The following MSN variants were observed in gnomAD, a reference collection of about 807,000 sequenced individuals.
MSN encodes epididymis luminal protein 70.
In MSN, 2 loss-of-function variants were observed where a neutral mutation model predicts 48.0. The ratio of observed to expected loss-of-function variants is 0.04; its 90% CI spans 0.02 to 0.13. The LOEUF is 0.13. MSN is among the 10% of genes least tolerant of loss of function. The pLI is 1.00. For missense variants in MSN, 267 were observed against 470.1 expected (o/e 0.57, Z 3.99); for synonymous variants, 146 against 166.9 (o/e 0.87, Z 0.97).
At chrX:65,659,254 A>G (rs1372518834) in intron 1 of MSN, among the ~76,000 whole-genome samples, 1 of 110,426 alleles carries the variant, frequency 9.1e-6, no homozygotes, top group African/African-American at 3.3e-5. Flanking sequence ...CCCAGGTTCA[A>G]GCAATCCTCC....
At chrX:65,733,405 C>T (rs940879453) in intron 7 of MSN, 125 bp downstream of exon 7, 2 of 520,608 alleles carry the variant, frequency 3.8e-6, no homozygotes, top group Non-Finnish European at 3.2e-6. Flanking sequence ...CGCGCATGTG[C>T]ACGAACAGGA....
intron 1 of MSN, among the ~76,000 whole-genome samples, chrX:65,669,878 C>T (rs1368086517): frequency 9.0e-6 from 1 of 110,763 alleles, no homozygotes; most frequent in Non-Finnish European, 1.9e-5. Flanking sequence ...TTGAGACCTA[C>T]AGGGAAAGAC....
chrX:65,677,611 A>T (rs1361474706), intron 1 of MSN, among the ~76,000 whole-genome samples: 1 of 110,295 alleles, frequency 9.1e-6, no homozygotes, highest in Non-Finnish European at 1.9e-5. Flanking sequence ...TAGAAAAAAT[A>T]GCCGGGCGTG....
At chrX:65,589,451 C>A (rs1343489806) in intron 1 of MSN, among the ~76,000 whole-genome samples, 1 of 112,017 alleles carries the variant, frequency 8.9e-6, no homozygotes, top group African/African-American at 3.3e-5. Flanking sequence ...TCACCGTGAC[C>A]ACACTTGAGA....
At chrX:65,674,949 AAAT>A (rs929991126) in intron 1 of MSN, among the ~76,000 whole-genome samples, 3 of 112,200 alleles carry the variant, frequency 2.7e-5, no homozygotes, top group Non-Finnish European at 5.6e-5. Flanking sequence ...CCTTAACCAT[AAAT>A]AATAATAGTA....
chrX:65,678,739 T>C (rs1296143061), intron 1 of MSN, among the ~76,000 whole-genome samples: 1 of 111,695 alleles, frequency 9.0e-6, no homozygotes, highest in African/African-American at 3.3e-5. Context: ...AAATACCTTT[T>C]AGTAAAAAAT....
chrX:65,610,394 T>C (rs190907501), intron 1 of MSN, among the ~76,000 whole-genome samples: 66 of 112,800 alleles, frequency 5.9e-4, no homozygotes, highest in Non-Finnish European at 1.2e-3. Context: ...TCATTAACAA[T>C]GTTTTCAAGG....
At chrX:65,732,812 T>C (rs2071635603) in intron 6 of MSN, among the ~76,000 whole-genome samples, 1 of 112,248 alleles carries the variant, frequency 8.9e-6, no homozygotes, top group South Asian at 3.7e-4. Flanking sequence ...AGGAATCATA[T>C]GTTAGTTGTA....
intron 8 of MSN, among the ~76,000 whole-genome samples, chrX:65,736,282 T>C (rs962004783): frequency 2.7e-5 from 3 of 110,611 alleles, no homozygotes; most frequent in African/African-American, 9.9e-5. Context: ...CAGGGGTACA[T>C]TGACAGGGCC....
At chrX:65,716,101 G>T (rs1175988749) in intron 1 of MSN, among the ~76,000 whole-genome samples, 1 of 111,548 alleles carries the variant, frequency 9.0e-6, no homozygotes. Flanking sequence ...AGTGCTCTTT[G>T]TCCTGATATT....
At chrX:65,730,282 G>A (rs2071610213) in intron 4 of MSN, among the ~76,000 whole-genome samples, 1 of 112,053 alleles carries the variant, frequency 8.9e-6, no homozygotes, top group Non-Finnish European at 1.9e-5. Flanking sequence ...GAGGTGCAGA[G>A]GTACTCACAC....
chrX:65,636,747 C>CAA (rs1219240320), intron 1 of MSN, among the ~76,000 whole-genome samples: 163 of 6,317 alleles, frequency 0.026, 34 homozygotes, highest in African/African-American at 0.057. Flanking sequence ...AACTCCATCT[C>CAA]AAAAAAAAAA....
chrX:65,685,732 T>C (rs1392964987), intron 1 of MSN, among the ~76,000 whole-genome samples: 1 of 111,839 alleles, frequency 8.9e-6, no homozygotes, highest in Non-Finnish European at 1.9e-5. Flanking sequence ...AGTATAGGCG[T>C]GCACCACTGT....
chrX:65,710,999 C>G (rs867742202), intron 1 of MSN, among the ~76,000 whole-genome samples: 54 of 105,422 alleles, frequency 5.1e-4, no homozygotes, highest in African/African-American at 1.8e-3. Flanking sequence ...ATTCTCCTGC[C>G]TCAGCCTCCA....
At chrX:65,704,340 G>A (rs1451137789) in intron 1 of MSN, among the ~76,000 whole-genome samples, 16 of 111,974 alleles carry the variant, frequency 1.4e-4, no homozygotes, top group Non-Finnish European at 3.8e-5. Context: ...TTGGCTGCCT[G>A]GATATGAACC....
At position 65,729,650 on chromosome X, in the gene MSN, C is replaced by A; in HGVS notation, c.405C>A (p.Gly135=). ...LASYAVQSKY[G]DFNKEVHKSG... ...CGTATGCTGTCCAGTCTAAGTATGGCGACTTCAATAAGGAAGTGCATAAGT... is the reference window on the plus strand; with the variant it reads ...CGTATGCTGTCCAGTCTAAGTATGGAGACTTCAATAAGGAAGTGCATAAGT... Residue 135 remains glycine (G), a synonymous_variant, in exon 4 of 13, where the codon GGC becomes GGA. Transcript: ENST00000360270. 8.3e-7 allele frequency: 1 copy of A among 1,211,346 alleles called. No individual in the cohort carries two copies. Among genetic ancestry groups the A allele is most frequent in the Non-Finnish European group, 1.1e-6 (1 of 895,382 alleles).
chrX:65,621,002 G>A lies in MSN; in HGVS notation c.-22+32390G>A, dbSNP rs1032121695. Among the ~76,000 whole-genome samples, 20 of 107,314 alleles carry A rather than the reference G, an allele frequency of 1.9e-4. No individual in the cohort carries two copies. In the East Asian group the frequency reaches 2.6e-3, roughly 14 times the overall value. The allele number at this position is 107,314 out of a possible 115,157, so 93.2% of individuals were successfully genotyped here. A position where few individuals can be genotyped will look rare whatever the true frequency, so the allele number is the denominator to read the frequency against. The stretch of plus-strand genomic sequence containing the variant: ...GTGTAGTGGTGTGATCTCGGCTCAC[G>A]GCAACCTCCACCTCCCAGGTTCAAG... On this transcript the variant is annotated intron_variant, in intron 1 of 3. Transcript: ENST00000609672.
intron 1 of MSN, among the ~76,000 whole-genome samples, chrX:65,638,877 C>T (rs1464500963): frequency 8.9e-6 from 1 of 112,139 alleles, no homozygotes; most frequent in African/African-American, 3.2e-5. Context: ...TATGAATCCA[C>T]CTTTGCCATT....
chrX:65,726,772 C>T (rs2071571695), intron 2 of MSN, among the ~76,000 whole-genome samples: 1 of 111,373 alleles, frequency 9.0e-6, no homozygotes, highest in Non-Finnish European at 1.9e-5. Context: ...CACTTGCATC[C>T]TTCTCCCAAA....
Sources: allele counts gnomAD v4.1 joint callset (sites outside exome capture counted in the v4.1 genomes callset), GRCh38; gene constraint gnomAD v4.1.1; transcripts MANE v1.5; gene names NCBI Gene and HGNC (gene_info 2026-07-23, HGNC 2026-07-21).